The following PADI4 variants were observed in gnomAD, a reference collection of about 807,000 sequenced individuals.
The protein encoded by PADI4 is peptidyl arginine deiminase 4, also known as protein-arginine deiminase type-4.
PADI4 carries 62 observed loss-of-function variants against 75.0 expected under a neutral mutation model. The ratio of observed to expected loss-of-function variants is 0.83; its 90% confidence interval spans 0.67 to 1.02. The LOEUF (loss-of-function observed/expected upper bound fraction) is 1.02. Ranked by LOEUF, PADI4 falls within the 50% of genes least tolerant of loss-of-function variation. The pLI, the probability that PADI4 is intolerant of heterozygous loss-of-function variation, is 0.00. For synonymous variants in PADI4, 361 were observed against 348.1 expected, an observed-to-expected ratio of 1.04 and a Z score of -0.41; for missense variants, 845 against 850.5, an observed-to-expected ratio of 0.99 and a Z score of 0.08.
At chr1:17,349,702 CAAAA>C (rs199868632) in intron 10 of PADI4, among the ~76,000 whole-genome samples, 10 of 79,052 alleles carry the variant, frequency 1.3e-4, no homozygotes, top group Non-Finnish European at 1.5e-4. Context: ...AAGACTGTAT[CAAAA>C]AAAAAAAAAA....
intron 9 of PADI4, among the ~76,000 whole-genome samples, chr1:17,347,137 G>A (rs553124373): frequency 2.6e-5 from 4 of 151,916 alleles, no homozygotes; most frequent in East Asian, 3.9e-4. Flanking sequence ...GGGTTTCTCC[G>A]TGTTGGTCAG....
intron 1 of PADI4, among the ~76,000 whole-genome samples, chr1:17,323,839 C>A (rs554070704): frequency 3.5e-5 from 5 of 144,000 alleles, no homozygotes; most frequent in Non-Finnish European, 7.6e-5. Context: ...AAAAAACAAG[C>A]AAACAAACAA....
In PADI4 at chr1:17,363,493, C is replaced by T. The variant is rs148638387; in HGVS notation, c.1759-29C>T. On this transcript the variant is annotated intron_variant, in intron 15 of 15. Coordinates refer to ENST00000375448, the MANE Select transcript of PADI4 (RefSeq NM_012387.3). ...TGCGCTGCAGGCTGCCCGCTGCTGC[C>T]TGTGACCTGAACCCTCACTTCCCTG... 6.8e-4 allele frequency: 1,050 copies of T among 1,535,138 alleles called. 11 individuals are homozygous for T. In the African/African-American group the frequency reaches 0.012, roughly 18 times the overall value.
rs576544870 is a variant in PADI4, at chr1:17,314,659, A to C, written c.92+6345A>C. On this transcript the variant is annotated intron_variant, in intron 1 of 15. Transcript: ENST00000375448. The stretch of plus-strand genomic sequence containing the variant: ...TGAGGCCCAGGAGAGGTCAGTGGCT[A>C]GGCCAAGGTCACAGAGCCTGTCAGA... Among the ~76,000 whole-genome samples, 7 of 152,332 alleles carry C rather than the reference A, an allele frequency of 4.6e-5. No homozygotes were observed. In the South Asian group the frequency reaches 1.4e-3, roughly 32 times the overall value.
chr1:17,350,093 G>A (rs1056934073), intron 10 of PADI4, among the ~76,000 whole-genome samples: 6 of 127,380 alleles, frequency 4.7e-5, no homozygotes, highest in African/African-American at 1.5e-4. Flanking sequence ...CTCCACTACA[G>A]CCCCCTGTTG....
At chr1:17,351,443 T>A (rs1362951832) in intron 10 of PADI4, among the ~76,000 whole-genome samples, 3 of 146,694 alleles carry the variant, frequency 2.0e-5, no homozygotes, top group African/African-American at 7.6e-5. Flanking sequence ...AAAAAAAAAT[T>A]AAAAATAAAA....
At position 17,354,533 on chromosome 1, in the gene PADI4, G is replaced by A. The variant is rs1181305088; in HGVS notation, c.1156G>A (p.Gly386Ser). Residue 386 changes from glycine to serine, a missense_variant and splice_region_variant, in exon 11 of 16, where the codon GGT becomes AGT. Transcript: ENST00000375448. ...TTGGCACTCCCTTCTCCTATCTCAG[G>A]GTCCAGATTTTGGCTATGTAACTCG... ...LKEFPIKRVMGPDFGYVTRGP... is the reference protein window; with the variant it reads ...LKEFPIKRVMSPDFGYVTRGP... 1 of 1,614,020 alleles carries A rather than the reference G, an allele frequency of 6.2e-7. No homozygotes were observed. Among genetic ancestry groups the A allele is most frequent in the Non-Finnish European group, 8.5e-7 (1 of 1,179,956 alleles).
chr1:17,348,996 A>C (rs1048374396), intron 10 of PADI4, among the ~76,000 whole-genome samples: 2 of 152,246 alleles, frequency 1.3e-5, no homozygotes, highest in African/African-American at 2.4e-5. Flanking sequence ...CTGCCCACAC[A>C]GAAGGCTTCA....
intron 1 of PADI4, among the ~76,000 whole-genome samples, chr1:17,315,377 G>T (rs2073914481): frequency 6.6e-6 from 1 of 152,220 alleles, no homozygotes; most frequent in South Asian, 2.1e-4. Flanking sequence ...TTGAGAGCAG[G>T]AAGGGTGTCA....
At chr1:17,328,427 C>T (rs550554457) in intron 1 of PADI4, among the ~76,000 whole-genome samples, 14 of 152,076 alleles carry the variant, frequency 9.2e-5, no homozygotes, top group Middle Eastern at 3.4e-3. Context: ...AGAAGGATTG[C>T]TTGAGGCCAG....
In PADI4 at chr1:17,342,308, G is replaced by C. The variant is rs140659095; in HGVS notation, c.841G>C (p.Glu281Gln). The C allele has an allele frequency of 1.1e-5, 17 of 1,611,712 alleles. No individual in the cohort carries two copies. The highest frequency in any genetic ancestry group is 1.4e-5 in the Non-Finnish European group (16 of 1,178,114). ...LLDTSNLELPEAVVFQDSVVF... is the reference protein window; with the variant it reads ...LLDTSNLELPQAVVFQDSVVF... ...ACCCCCTCCCCTGCAGGAGCTCCCC[G>C]AGGCTGTGGTGTTCCAAGACAGCGT... The change falls in exon 8 of 16, where the codon GAG becomes CAG. Residue 281 changes from glutamate to glutamine, a missense_variant. Physicochemically the swap from Glu to Gln is conservative, Grantham distance 29 (BLOSUM62 2). Coordinates refer to ENST00000375448, the MANE Select transcript of PADI4 (RefSeq NM_012387.3).
At chr1:17,317,823 C>G (rs535750662) in intron 1 of PADI4, among the ~76,000 whole-genome samples, 1 of 152,152 alleles carries the variant, frequency 6.6e-6, no homozygotes, top group African/African-American at 2.4e-5. Flanking sequence ...GAGTTCGAGA[C>G]CAGCCTGGGA....
At chr1:17,331,584 T>C (rs1570022945) in intron 2 of PADI4, among the ~76,000 whole-genome samples, 1 of 152,040 alleles carries the variant, frequency 6.6e-6, no homozygotes, top group East Asian at 1.9e-4. Context: ...TGCTGGTCCA[T>C]GCTCCTGGAT....
intron 1 of PADI4, among the ~76,000 whole-genome samples, chr1:17,311,128 T>G (rs1183473496): frequency 2.7e-5 from 4 of 150,540 alleles, no homozygotes; most frequent in African/African-American, 7.3e-5. Flanking sequence ...ATGGGAGTAG[T>G]GGCACATGCC....
chr1:17,332,823 G>A (rs982733940), intron 2 of PADI4, among the ~76,000 whole-genome samples: 2 of 152,056 alleles, frequency 1.3e-5, no homozygotes, highest in East Asian at 1.9e-4. Flanking sequence ...GGGGGTGGTC[G>A]GGGAAGGCTT....
At chr1:17,309,746 C>T (rs1355195798) in intron 1 of PADI4, among the ~76,000 whole-genome samples, 1 of 152,204 alleles carries the variant, frequency 6.6e-6, no homozygotes, top group Non-Finnish European at 1.5e-5. Flanking sequence ...GGATGGTCTC[C>T]CAGGGCCACA....
At chr1:17,352,041 G>A (rs1339192648) in intron 10 of PADI4, among the ~76,000 whole-genome samples, 3 of 117,006 alleles carry the variant, frequency 2.6e-5, no homozygotes, top group African/African-American at 7.7e-5. Flanking sequence ...GATGGGAGGA[G>A]AGGCAGTCAG....
intron 1 of PADI4, among the ~76,000 whole-genome samples, chr1:17,313,526 A>AAAG (rs1557536933): frequency 2.5e-4 from 37 of 146,426 alleles, no homozygotes; most frequent in African/African-American, 9.1e-4. Context: ...AAAAAAGGAA[A>AAAG]GGAAGGAAAG....
chr1:17,356,938 T>G lies in PADI4; in HGVS notation c.1558+479T>G, dbSNP rs919650376. On this transcript the variant is annotated intron_variant, in intron 13 of 15. Transcript: ENST00000375448. The surrounding 1 kb of genome is among the most constrained non-coding windows in gnomAD (Gnocchi z 4.1). Reference sequence around the variant, plus strand: ...TGAAATATTACTCTCTCAGCAGAGCTCACAGACATGGGCCAGGCCCCGGGC... The same window carrying G: ...TGAAATATTACTCTCTCAGCAGAGCGCACAGACATGGGCCAGGCCCCGGGC... Among the ~76,000 whole-genome samples the G allele has an allele frequency of 5.9e-5, 9 of 152,128 alleles. No homozygotes were observed. Among genetic ancestry groups the G allele is most frequent in the Non-Finnish European group, 8.8e-5 (6 of 68,016 alleles).
Sources: gnomAD v4.1 joint callset for allele counts (sites outside exome capture counted in the v4.1 genomes callset) on GRCh38, gnomAD v4.1.1 for gene constraint, Gnocchi (gnomAD v3.1) non-coding constraint, MANE v1.5 for transcripts, NCBI Gene and HGNC (gene_info 2026-07-23, HGNC 2026-07-21) for gene names.